The following MYH7B variants were observed in gnomAD, a reference collection of about 807,000 sequenced individuals.
MYH7B encodes the protein myosin-7B.
In MYH7B, 205 loss-of-function variants were observed where a neutral mutation model predicts 234.5. That is an observed-to-expected ratio of 0.87 (90% CI 0.78 to 0.98). The LOEUF (loss-of-function observed/expected upper bound fraction) is 0.98, where lower values mean the gene tolerates loss of function less well. Ranked by LOEUF, MYH7B falls within the 50% of genes least tolerant of loss-of-function variation. The probability of loss-of-function intolerance (pLI) is 0.00; values close to 1 mark genes in which losing one functional copy is unlikely to be tolerated. For missense variants in MYH7B, 2,652 were observed against 2,633.4 expected (o/e 1.01, Z -0.15); for synonymous variants, 1,193 against 1,105.0 (o/e 1.08, Z -1.58).
chr20:34,986,117 C>G (rs367773248), exon 14 of MYH7B: 1 of 1,588,398 alleles, frequency 6.3e-7, no homozygotes, highest in Non-Finnish European at 8.6e-7. Flanking sequence ...GGAGAAGTCG[C>G]GGGTGATCTT....
At chr20:34,976,462 C>T (rs375548206) in intron 3 of MYH7B, among the ~76,000 whole-genome samples, 1 of 152,154 alleles carries the variant, frequency 6.6e-6, no homozygotes, top group African/African-American at 2.4e-5. Flanking sequence ...AATCCTGTGG[C>T]GTCACGGAGC....
chr20:34,983,787 G>C (rs1413771784), intron 10 of MYH7B, among the ~76,000 whole-genome samples: 1 of 152,218 alleles, frequency 6.6e-6, no homozygotes, highest in African/African-American at 2.4e-5. Context: ...GTCCCTGTGG[G>C]TATTTTAACT....
chr20:34,975,297 TG>T, intron 2 of MYH7B, 102 bp from the exon 3 acceptor site: 1 of 454,928 alleles, frequency 2.2e-6, no homozygotes. Flanking sequence ...CTCTGCCTCC[TG>T]GGTTCAAGCG....
Position 34,999,773 on chromosome 20 carries a change from C to T in MYH7B, c.4666-18C>T, listed in dbSNP as rs747970605. ...CATCCCCCCCCCCCACCCTACCCTG[C>T]CTGCTCTGTATCCACAGGGGGCCCT... On this transcript the variant is annotated intron_variant, in intron 37 of 44. Coordinates refer to ENST00000262873, the Ensembl canonical transcript of MYH7B. 6 of 1,334,900 alleles carry T rather than the reference C, an allele frequency of 4.5e-6. No homozygotes were observed. The highest frequency in any genetic ancestry group is 1.8e-5 in the Admixed American group (1 of 55,458). The allele number at this position is 1,334,900 out of a possible 1,614,324, so 82.7% of individuals were successfully genotyped here.
exon 16 of MYH7B, chr20:34,987,156 T>C (rs1406773009): frequency 4.3e-6 from 7 of 1,613,368 alleles, no homozygotes; most frequent in African/African-American, 1.3e-5. Context: ...CAGCATGCCA[T>C]GGACATCCTA....
chr20:34,969,229 C>A (rs2081770631), intron 2 of MYH7B, among the ~76,000 whole-genome samples: 1 of 152,210 alleles, frequency 6.6e-6, no homozygotes, highest in Non-Finnish European at 1.5e-5. Flanking sequence ...CAGCCCTCAC[C>A]CAGGCCCCTC....
chr20:34,991,110 C>G (rs759004510), exon 24 of MYH7B: 1 of 1,608,186 alleles, frequency 6.2e-7, no homozygotes, highest in East Asian at 2.2e-5. Flanking sequence ...TCTACACCGA[C>G]TTCCGGCAGC....
At chr20:34,977,096 T>A (rs2081866505) in intron 3 of MYH7B, among the ~76,000 whole-genome samples, 1 of 143,590 alleles carries the variant, frequency 7.0e-6, no homozygotes, top group East Asian at 2.3e-4. Context: ...CTCTTTTTGA[T>A]CTGTTCTTCT....
chr20:34,969,396 G>A (rs1303650004), intron 2 of MYH7B, among the ~76,000 whole-genome samples: 1 of 152,082 alleles, frequency 6.6e-6, no homozygotes, highest in East Asian at 1.9e-4. Context: ...CCCTTCCCTG[G>A]CCCCCAGCTA....
chr20:34,979,267 G>A (rs2081903190), intron 5 of MYH7B, 123 bp from the exon 6 acceptor site: 2 of 696,140 alleles, frequency 2.9e-6, no homozygotes, highest in Non-Finnish European at 4.7e-6. Context: ...GGAACTCCTG[G>A]GTCCTGGCAG....
At chr20:34,958,255 C>T (rs1600400204) in intron 2 of MYH7B, among the ~76,000 whole-genome samples, 43 bp downstream of exon 2, 1 of 152,092 alleles carries the variant, frequency 6.6e-6, no homozygotes, top group South Asian at 2.1e-4. Flanking sequence ...GGCAGCTGAG[C>T]CTCAGAAGTT....
rs1179536243 is a variant in MYH7B at position 35,001,235 on chromosome 20, C to T, written c.5476-10C>T. 2 of 1,608,460 alleles carry T rather than the reference C, an allele frequency of 1.2e-6. No homozygotes were observed. The highest frequency in any genetic ancestry group is 1.3e-5 in the African/African-American group (1 of 74,844). On this transcript the variant is annotated splice_polypyrimidine_tract_variant and intron_variant, in intron 41 of 44. Transcript: ENST00000262873. ...GTGGGCTTGGCATCAGGCTGTCCCC[C>T]TGCCTGCAGGTACGGGAGCTGGAGG... is the stretch of plus-strand genomic sequence containing the variant.
intron 27 of MYH7B, among the ~76,000 whole-genome samples, chr20:34,994,806 C>G (rs983679035): frequency 6.6e-6 from 1 of 152,258 alleles, no homozygotes; most frequent in African/African-American, 2.4e-5. Flanking sequence ...TTCCTGCCTT[C>G]GGCACATGGC....
At chr20:34,969,540 CTTTTT>C (rs770172832) in intron 2 of MYH7B, among the ~76,000 whole-genome samples, 1 of 126,780 alleles carries the variant, frequency 7.9e-6, no homozygotes, top group East Asian at 2.2e-4. Flanking sequence ...TCTTCTGCTC[CTTTTT>C]TTTTTTTTTT....
chr20:34,982,232 G>A (rs1569037190), intron 9 of MYH7B, among the ~76,000 whole-genome samples: 1 of 152,052 alleles, frequency 6.6e-6, no homozygotes, highest in Admixed American at 6.6e-5. Flanking sequence ...GTAAAGTGCC[G>A]GGCACTGAGT....
In MYH7B at chr20:34,984,733, G is replaced by A. The variant is rs1321853600; in HGVS notation, c.648+18G>A. ...AGACGGGGGTGAGTATGGGGCCAATGTCAATGGGGCAGCCCTGGGGGTACC... is the reference window on the plus strand; with the variant it reads ...AGACGGGGGTGAGTATGGGGCCAATATCAATGGGGCAGCCCTGGGGGTACC... On this transcript the variant is annotated intron_variant, in intron 11 of 44. Transcript: ENST00000262873. The A allele has an allele frequency of 6.2e-7, 1 of 1,606,524 alleles. No individual in the cohort carries two copies. Among genetic ancestry groups the A allele is most frequent in the East Asian group, 2.2e-5 (1 of 44,836 alleles).
intron 2 of MYH7B, among the ~76,000 whole-genome samples, chr20:34,960,288 T>G (rs113293741): frequency 0.039 from 5,911 of 152,186 alleles, 379 homozygotes; most frequent in African/African-American, 0.14. Flanking sequence ...CAGGCTAGAG[T>G]GCAGTGGCGC....
intron 30 of MYH7B, 82 bp from the exon 31 acceptor site, chr20:34,997,000 AG>A: frequency 7.3e-7 from 1 of 1,367,134 alleles, no homozygotes; most frequent in East Asian, 2.7e-5. Flanking sequence ...CAGGGCCTGA[AG>A]GGGACTGGGG....
chr20:34,980,782 C>T, intron 8 of MYH7B, 48 bp downstream of exon 8: 2 of 1,596,830 alleles, frequency 1.3e-6, no homozygotes, highest in Non-Finnish European at 1.7e-6. Context: ...CGACCTCGGT[C>T]CCGGGAGGCC....
Sources: allele counts gnomAD v4.1 joint callset (sites outside exome capture counted in the v4.1 genomes callset), GRCh38; gene constraint gnomAD v4.1.1; transcripts MANE v1.5; gene names NCBI Gene and HGNC (gene_info 2026-07-23, HGNC 2026-07-21).